TTC3: variants seen among roughly 807,000 people sequenced by gnomAD.
TTC3 encodes tetratricopeptide repeat domain 3, also known as E3 ubiquitin-protein ligase TTC3.
Under a neutral mutation model 249.6 loss-of-function variants are expected in TTC3, and 180 were observed. That is an observed-to-expected ratio of 0.72 (90% CI 0.64 to 0.82). TTC3 has a LOEUF of 0.82. TTC3 is among the 40% of genes least tolerant of loss of function. The pLI, the probability that TTC3 is intolerant of heterozygous loss-of-function variation, is 0.00. For missense variants in TTC3, 2,061 were observed against 2,398.4 expected (o/e 0.86, Z 2.94); for synonymous variants, 717 against 805.0 (o/e 0.89, Z 1.85).
chr21:37,196,137 G>A (rs911082804), intron 42 of TTC3, 101 bp downstream of exon 42: 8 of 1,458,676 alleles, frequency 5.5e-6, no homozygotes, highest in East Asian at 2.4e-5. Context: ...CATGAAAAGG[G>A]TTGCATAATT....
intron 1 of TTC3, among the ~76,000 whole-genome samples, chr21:37,084,863 G>A (rs187702366): frequency 6.1e-4 from 93 of 152,120 alleles, no homozygotes; most frequent in African/African-American, 2.2e-3. Flanking sequence ...CGTGGTGGTG[G>A]GCACCTGTAG....
chr21:37,124,812 G>C (rs2076926917), intron 14 of TTC3, 70 bp downstream of exon 14: 1 of 1,540,010 alleles, frequency 6.5e-7, no homozygotes, highest in Non-Finnish European at 8.7e-7. Context: ...TAATATTTTG[G>C]TGGTAATAGA....
In TTC3 at chr21:37,098,126, G is replaced by C. The variant is rs547216454; in HGVS notation, c.845+1483G>C. Reference sequence around the variant, plus strand: ...TCCATCAATACCACTGTCCTCAACGGGTTCTGACAAGAAATGAGCTGCACA... The same window carrying C: ...TCCATCAATACCACTGTCCTCAACGCGTTCTGACAAGAAATGAGCTGCACA... On this transcript the variant is annotated intron_variant, in intron 10 of 45. Transcript: ENST00000355666. 6.2e-6 allele frequency: 3 copies of C among 485,166 alleles called. No homozygotes were observed. The South Asian group carries it at 1.1e-4, about 18-fold the overall frequency. The allele number at this position is 485,166 out of a possible 1,614,324, so 30.1% of individuals were successfully genotyped here. A position where few individuals can be genotyped will look rare whatever the true frequency, so the allele number is the denominator to read the frequency against.
chr21:37,167,810 T>C (rs1016391455), intron 34 of TTC3, among the ~76,000 whole-genome samples, 190 bp downstream of exon 34: 1 of 152,002 alleles, frequency 6.6e-6, no homozygotes, highest in African/African-American at 2.4e-5. Context: ...GAAAAGGTAA[T>C]TTTTTTCCAG....
intron 37 of TTC3, among the ~76,000 whole-genome samples, 180 bp from the exon 38 acceptor site, chr21:37,186,869 G>A (rs746124336): frequency 8.5e-5 from 13 of 152,272 alleles, no homozygotes; most frequent in Non-Finnish European, 1.0e-4. Flanking sequence ...CACTTATAAA[G>A]CACAAAGAGC....
At chr21:37,193,119 ACT>A (rs1380761513) in intron 41 of TTC3, among the ~76,000 whole-genome samples, 2 of 151,684 alleles carry the variant, frequency 1.3e-5, no homozygotes, top group Non-Finnish European at 2.9e-5. Flanking sequence ...GACGGAGGAG[ACT>A]CTCTCCCAGC....
At chr21:37,194,713 GGGTTC>G (rs1251721728) in intron 41 of TTC3, 1 of 152,164 alleles carries the variant, frequency 6.6e-6, no homozygotes, top group Non-Finnish European at 1.5e-5. Flanking sequence ...AGTATATGTA[GGGTTC>G]GGTACTCTTT....
In TTC3 at chr21:37,122,933, T is replaced by C. The variant is rs1037860728; in HGVS notation, c.1064-50T>C. On this transcript the variant is annotated intron_variant, in intron 12 of 45. Transcript: ENST00000355666. ...AATTTGAAATCTTTTAAAGTCTGTG[T>C]TGCCAATCCATTGATTACTATGTGT... 1.9e-6 allele frequency: 3 copies of C among 1,589,380 alleles called. No homozygotes were observed. The African/African-American group carries it at 4.1e-5, about 21-fold the overall frequency.
intron 12 of TTC3, among the ~76,000 whole-genome samples, chr21:37,122,419 AATATATATATATATATATTATAT>A (rs1306899801): frequency 1.3e-4 from 5 of 38,030 alleles, no homozygotes; most frequent in Non-Finnish European, 2.1e-4. Context: ...ATATATATAT[AATATATATATATATATATTATAT>A]ATATATATAT....
chr21:37,193,686 T>C (rs2084489062), intron 41 of TTC3: 1 of 152,226 alleles, frequency 6.6e-6, no homozygotes, highest in Non-Finnish European at 1.5e-5. Context: ...CTAAAAATTA[T>C]TTGTATCTCA....
intron 20 of TTC3, among the ~76,000 whole-genome samples, chr21:37,144,249 AATATAT>A (rs1293133464): frequency 6.6e-6 from 1 of 150,936 alleles, no homozygotes; most frequent in Non-Finnish European, 1.5e-5. Context: ...TAATAAAAAA[AATATAT>A]ATATATAAAC....
rs762952320 is a variant in TTC3, at chr21:37,182,861, A to G, written c.4705A>G (p.Arg1569Gly). Residue 1569 changes from arginine (R) to glycine (G), a missense_variant, in exon 36 of 46, where the codon AGA becomes GGA. By Grantham distance (125) the Arg-to-Gly change is moderately radical (BLOSUM62 -2). Coordinates refer to ENST00000355666, the Ensembl canonical transcript of TTC3. ...ACAGGAAAAAAAAGAAATCCAAGAA[A>G]GACTAAAATCACTGAAGAAGAAAAT... The G allele has an allele frequency of 1.4e-5, 22 of 1,595,382 alleles. No homozygotes were observed. The East Asian group carries it at 4.3e-4, about 31-fold the overall frequency.
intron 45 of TTC3, among the ~76,000 whole-genome samples, chr21:37,200,754 C>T (rs763438184): frequency 6.6e-6 from 1 of 152,306 alleles, no homozygotes; most frequent in East Asian, 1.9e-4. Context: ...CAGTCCTGCT[C>T]GTACCGTTCT....
exon 46 of TTC3, chr21:37,201,883 A>G (rs1401041174): frequency 3.3e-6 from 1 of 299,574 alleles, no homozygotes; most frequent in Non-Finnish European, 6.2e-6. Context: ...GCAGTATTCT[A>G]GTGATAAGAA....
intron 34 of TTC3, among the ~76,000 whole-genome samples, chr21:37,172,066 G>A (rs1330983079): frequency 6.6e-6 from 1 of 152,138 alleles, no homozygotes; most frequent in Non-Finnish European, 1.5e-5. Flanking sequence ...AATGGTTTCT[G>A]GGTTTGGGGT....
exon 1 of TTC3, chr21:37,073,312 GGCGGCT>G: frequency 4.1e-6 from 2 of 483,276 alleles, no homozygotes; most frequent in Non-Finnish European, 5.3e-6. Context: ...CGGCGGCGGC[GGCGGCT>G]GCTGCTGCTG....
intron 11 of TTC3, among the ~76,000 whole-genome samples, chr21:37,120,040 T>C (rs1209004603): frequency 3.9e-5 from 6 of 152,130 alleles, no homozygotes; most frequent in Non-Finnish European, 1.5e-5. Context: ...GTAGTGCATT[T>C]CAATTGGCCA....
At chr21:37,137,116 G>T (rs1201164498) in intron 18 of TTC3, among the ~76,000 whole-genome samples, 2 of 152,176 alleles carry the variant, frequency 1.3e-5, no homozygotes, top group African/African-American at 4.8e-5. Flanking sequence ...GCACCTGATT[G>T]CCCAGGAGAT....
intron 17 of TTC3, among the ~76,000 whole-genome samples, chr21:37,133,896 T>C (rs1197614578): frequency 6.6e-6 from 1 of 152,138 alleles, no homozygotes. Context: ...TCTTTTGTTT[T>C]CTTTTTTAAG....
Sources: allele counts gnomAD v4.1 joint callset (sites outside exome capture counted in the v4.1 genomes callset), GRCh38; gene constraint gnomAD v4.1.1; transcripts MANE v1.5; gene names NCBI Gene and HGNC (gene_info 2026-07-23, HGNC 2026-07-21).